The following KLHL29 variants were observed in gnomAD, a reference collection of about 807,000 sequenced individuals.
The protein encoded by KLHL29 is kelch-like protein 29.
In KLHL29, 21 loss-of-function variants were observed where a neutral mutation model predicts 80.4. The ratio of observed to expected loss-of-function variants is 0.26; its 90% CI spans 0.19 to 0.38. The LOEUF is 0.38. Ranked by LOEUF, KLHL29 falls within the 10% of genes least tolerant of loss-of-function variation. The pLI is 1.00. For synonymous variants in KLHL29, 511 were observed against 526.8 expected, an observed-to-expected ratio of 0.97 and a Z score of 0.41; for missense variants, 867 against 1,223.9, an observed-to-expected ratio of 0.71 and a Z score of 4.35.
intron 2 of KLHL29, among the ~76,000 whole-genome samples, chr2:23,546,479 G>C (rs570899907): frequency 1.1e-3 from 162 of 152,240 alleles, no homozygotes; most frequent in African/African-American, 3.6e-3. Flanking sequence ...TGGGGCCTCA[G>C]GTGAGGCCCC....
intron 6 of KLHL29, chr2:23,691,318 G>A (rs1445993354): frequency 6.7e-6 from 2 of 298,028 alleles, no homozygotes; most frequent in Admixed American, 4.9e-5. Flanking sequence ...GGATGCGTCG[G>A]CCTGCTTTGG....
intron 1 of KLHL29, among the ~76,000 whole-genome samples, 189 bp downstream of exon 1, chr2:23,385,969 C>T (rs888397002): frequency 6.6e-6 from 1 of 152,052 alleles, no homozygotes; most frequent in Non-Finnish European, 1.5e-5. Flanking sequence ...CTGCAGGAGC[C>T]CTTGCGCCTG....
At chr2:23,427,949 C>A (rs966522497) in intron 1 of KLHL29, among the ~76,000 whole-genome samples, 1 of 152,114 alleles carries the variant, frequency 6.6e-6, no homozygotes, top group African/African-American at 2.4e-5. Flanking sequence ...TATACCTGGG[C>A]GGCTCCCGTT....
chr2:23,486,369 C>T (rs1006829353), intron 2 of KLHL29, among the ~76,000 whole-genome samples: 2 of 151,936 alleles, frequency 1.3e-5, no homozygotes, highest in African/African-American at 4.8e-5. Context: ...ATCCCTCCCA[C>T]GATTGCCACT....
chr2:23,538,241 ATGGATTCTGCATTTC>A (rs1313149937), intron 2 of KLHL29, among the ~76,000 whole-genome samples: 1 of 152,186 alleles, frequency 6.6e-6, no homozygotes. Flanking sequence ...GCCCTTCTCA[ATGGATTCTGCATTTC>A]TAAAAGCTCT....
chr2:23,446,873 T>C (rs1663709124), intron 1 of KLHL29, among the ~76,000 whole-genome samples: 1 of 152,238 alleles, frequency 6.6e-6, no homozygotes, highest in African/African-American at 2.4e-5. Context: ...GATGACTTTC[T>C]GCTGCAGTGA....
At chr2:23,551,800 C>T (rs1332994777) in intron 2 of KLHL29, among the ~76,000 whole-genome samples, 1 of 152,174 alleles carries the variant, frequency 6.6e-6, no homozygotes, top group Admixed American at 6.5e-5. Flanking sequence ...GTTAAAAATG[C>T]AGATTCTGAC....
intron 6 of KLHL29, among the ~76,000 whole-genome samples, chr2:23,685,119 C>T (rs1409568288): frequency 1.3e-5 from 2 of 152,232 alleles, no homozygotes; most frequent in African/African-American, 2.4e-5. Context: ...GAGCCTAAAC[C>T]GGCGCTGTGG....
In KLHL29 at chr2:23,562,505, G is replaced by A. The variant is rs1667476172; in HGVS notation, c.285+24G>A. On this transcript the variant is annotated intron_variant, in intron 3 of 13. Coordinates refer to ENST00000486442, the MANE Select transcript of KLHL29 (RefSeq NM_052920.2). This position sits in a 1 kb window ranked among gnomAD's most constrained non-coding sequence, Gnocchi z 4.5. ...AGGTAAGATGTGGTGTCATCTCTGAGCAGGAGCCGGACAGAGGGGCCCTGC... is the reference window on the plus strand; with the variant it reads ...AGGTAAGATGTGGTGTCATCTCTGAACAGGAGCCGGACAGAGGGGCCCTGC... The A allele has an allele frequency of 1.0e-5, 16 of 1,533,570 alleles. No individual in the cohort carries two copies. The highest frequency in any genetic ancestry group is 1.9e-4 in the Middle Eastern group (1 of 5,368). The allele number at this position is 1,533,570 out of a possible 1,614,324, so 95.0% of individuals were successfully genotyped here.
chr2:23,551,183 C>T (rs1667113052), intron 2 of KLHL29, among the ~76,000 whole-genome samples: 1 of 152,232 alleles, frequency 6.6e-6, no homozygotes, highest in Non-Finnish European at 1.5e-5. Flanking sequence ...ACACGCCTCC[C>T]TTCTTCCCTC....
intron 1 of KLHL29, among the ~76,000 whole-genome samples, chr2:23,437,187 A>G (rs577731502): frequency 7.2e-5 from 11 of 152,340 alleles, no homozygotes; most frequent in African/African-American, 2.6e-4. Context: ...TATTTAAAAC[A>G]ACAGACTTGG....
At chr2:23,393,649 G>GT (rs763276921) in intron 1 of KLHL29, among the ~76,000 whole-genome samples, 7 of 152,188 alleles carry the variant, frequency 4.6e-5, no homozygotes, top group Non-Finnish European at 8.8e-5. Flanking sequence ...CTTTATATTA[G>GT]TTTTTTCTCG....
chr2:23,418,347 G>A (rs1662665045), intron 1 of KLHL29, among the ~76,000 whole-genome samples: 1 of 152,132 alleles, frequency 6.6e-6, no homozygotes, highest in Admixed American at 6.5e-5. Flanking sequence ...GTGTCCCAAG[G>A]CTGGCAATCC....
intron 2 of KLHL29, among the ~76,000 whole-genome samples, chr2:23,516,242 T>C (rs903038505): frequency 2.0e-5 from 3 of 152,112 alleles, no homozygotes; most frequent in Non-Finnish European, 4.4e-5. Flanking sequence ...TCTGGGGCCA[T>C]GGGCACCTGC....
Position 23,669,786 on chromosome 2 carries a change from C to T in KLHL29, c.941-14613C>T, listed in dbSNP as rs1001065098. Among the ~76,000 whole-genome samples the T allele has an allele frequency of 1.3e-5, 2 of 152,222 alleles. No individual in the cohort carries two copies. Among genetic ancestry groups the T allele is most frequent in the Non-Finnish European group, 2.9e-5 (2 of 68,040 alleles). On this transcript the variant is annotated intron_variant, in intron 5 of 13. Transcript: ENST00000486442. This position sits in a 1 kb window ranked among gnomAD's most constrained non-coding sequence, Gnocchi z 4.3. ...CAGAACCCAGGGCTGCAGCCGAGTA[C>T]ACAGGCCTGGCCCCGCCAGCGCAGG...
chr2:23,642,910 A>G lies in KLHL29; in HGVS notation c.940+60A>G, dbSNP rs1480540083. ...TGCGTCTGCACCTCCCTGCGCGGTC[A>G]CTGCAACACCACCGGGACAGGGGGT... On this transcript the variant is annotated intron_variant, in intron 5 of 13. Transcript: ENST00000486442. 3 of 1,532,866 alleles carry G rather than the reference A, an allele frequency of 2.0e-6. No homozygotes were observed. In the Admixed American group the frequency reaches 5.9e-5, roughly 30 times the overall value. The allele number at this position is 1,532,866 out of a possible 1,614,324, so 95.0% of individuals were successfully genotyped here.
chr2:23,449,125 A>G (rs528966036), intron 1 of KLHL29, among the ~76,000 whole-genome samples: 2 of 152,248 alleles, frequency 1.3e-5, no homozygotes, highest in South Asian at 2.1e-4. Flanking sequence ...ACTGCCTCAC[A>G]GGAATCCCGT....
At chr2:23,388,516 C>T (rs915498622) in intron 1 of KLHL29, among the ~76,000 whole-genome samples, 6 of 152,172 alleles carry the variant, frequency 3.9e-5, no homozygotes, top group Non-Finnish European at 8.8e-5. Context: ...TTAAGTGAGG[C>T]ACATCATTAG....
At chr2:23,665,465 C>G (rs555247341) in intron 5 of KLHL29, among the ~76,000 whole-genome samples, 4 of 152,342 alleles carry the variant, frequency 2.6e-5, no homozygotes, top group African/African-American at 9.6e-5. Context: ...ACCACCAGTA[C>G]CCCTGCCAAA....
Sources: allele counts gnomAD v4.1 joint callset (sites outside exome capture counted in the v4.1 genomes callset), GRCh38; gene constraint gnomAD v4.1.1; non-coding constraint Gnocchi (gnomAD v3.1); transcripts MANE v1.5; gene names NCBI Gene and HGNC (gene_info 2026-07-23, HGNC 2026-07-21).